NRG2: variants seen among roughly 807,000 people sequenced by gnomAD.
NRG2 encodes the protein pro-neuregulin-2, membrane-bound isoform.
NRG2 carries 27 observed loss-of-function variants against 73.9 expected under a neutral mutation model. The observed-to-expected ratio is 0.37, with a 90% CI of 0.27 to 0.50. The LOEUF is 0.50. Ranked by LOEUF, NRG2 falls within the 20% of genes least tolerant of loss-of-function variation. The pLI is 0.96. For synonymous variants in NRG2, 532 were observed against 541.0 expected (o/e 0.98, Z 0.23); for missense variants, 1,126 against 1,210.1 (o/e 0.93, Z 1.03).
rs1580819769 is a variant in NRG2 at position 139,959,526 on chromosome 5, G to A, written c.701-72015C>T. ...TGAGTAGCTGGGATTAAAGGCATGC[G>A]CCACCACGCCCAGCTAATTTTGTAT... is the stretch of plus-strand genomic sequence containing the variant. On this transcript the variant is annotated intron_variant, in intron 1 of 9. Coordinates refer to ENST00000361474, the MANE Select transcript of NRG2 (RefSeq NM_004883.3). Among the ~76,000 whole-genome samples the A allele has an allele frequency of 2.6e-5, 4 of 152,328 alleles. No homozygotes were observed. The South Asian group carries it at 6.2e-4, about 24-fold the overall frequency.
At position 139,902,583 on chromosome 5, in the gene NRG2, T is replaced by C. The variant is rs184416936; in HGVS notation, c.701-15072A>G. Among the ~76,000 whole-genome samples, 469 of 152,262 alleles carry C rather than the reference T, an allele frequency of 3.1e-3. 4 individuals carry two copies. Among genetic ancestry groups the C allele is most frequent in the Non-Finnish European group, 5.6e-3 (382 of 68,018 alleles). On this transcript the variant is annotated intron_variant, in intron 1 of 9. Transcript: ENST00000361474. The stretch of plus-strand genomic sequence containing the variant: ...TCCATGTGCATTTCCCTGGCACTAG[T>C]GATTCCCACCAGCTGAAGCCCACCG...
intron 3 of NRG2, among the ~76,000 whole-genome samples, chr5:139,877,951 G>A (rs1561648192): frequency 6.6e-6 from 1 of 152,242 alleles, no homozygotes; most frequent in African/African-American, 2.4e-5. Flanking sequence ...TGGGATTCCA[G>A]ATATGCCCTC....
rs1029152808 is a variant in NRG2 at position 139,880,390 on chromosome 5, G to T, written c.991+466C>A. ...GAGGAGTTTGCCCTCCCTGAACAGA[G>T]GCTGCCACCAGGGGCCCCAGGCATC... On this transcript the variant is annotated intron_variant, in intron 3 of 9. Transcript: ENST00000361474. 5.3e-5 allele frequency among the ~76,000 whole-genome samples: 8 copies of T among 152,100 alleles called. No individual in the cohort carries two copies. The South Asian group carries it at 6.2e-4, about 12-fold the overall frequency.
At chr5:139,908,005 C>T (rs951487193) in intron 1 of NRG2, among the ~76,000 whole-genome samples, 1 of 152,250 alleles carries the variant, frequency 6.6e-6, no homozygotes, top group African/African-American at 2.4e-5. Flanking sequence ...GGGAGGTCAA[C>T]TCTTATTCCC....
intron 1 of NRG2, among the ~76,000 whole-genome samples, chr5:139,963,541 A>G (rs1386719072): frequency 6.6e-6 from 1 of 152,214 alleles, no homozygotes; most frequent in Non-Finnish European, 1.5e-5. Flanking sequence ...GAAAGAACTG[A>G]GCCCTATACA....
intron 1 of NRG2, among the ~76,000 whole-genome samples, chr5:139,981,473 C>T (rs1756796873): frequency 6.6e-6 from 1 of 152,236 alleles, no homozygotes; most frequent in African/African-American, 2.4e-5. Flanking sequence ...TCAAGTCCTG[C>T]CTCTGGAAGG....
chr5:139,852,812 C>T lies in NRG2; in HGVS notation c.1416+92G>A. On this transcript the variant is annotated intron_variant, in intron 7 of 9. Transcript: ENST00000361474. This position sits in a 1 kb window ranked among gnomAD's most constrained non-coding sequence, Gnocchi z 4.4. ...CAGGCAAGGCTGGCCATGGGATAGG[C>T]TGGCTGCTGCCCTGGCCCATCCTTG... 1 of 1,576,732 alleles carries T rather than the reference C, an allele frequency of 6.3e-7. No homozygotes were observed. Among genetic ancestry groups the T allele is most frequent in the Non-Finnish European group, 8.6e-7 (1 of 1,165,834 alleles).
Position 139,848,270 on chromosome 5 carries a change from G to A in NRG2, c.2200C>T (p.Arg734Cys), listed in dbSNP as rs1320218265. The A allele has an allele frequency of 2.7e-6, 3 of 1,114,354 alleles. No individual in the cohort carries two copies. The highest frequency in any genetic ancestry group is 3.3e-6 in the Non-Finnish European group (3 of 914,566). The allele number at this position is 1,114,354 out of a possible 1,614,324, so 69.0% of individuals were successfully genotyped here. ...PPRPRARGASRRTSAGPRRWR... is the reference protein window; with the variant it reads ...PPRPRARGASCRTSAGPRRWR... ...CGCCGGGGCCCCGCCGACGTCCTGC[G>A]GGACGCACCGCGCGCGCGCGGCCGC... Residue 734 changes from arginine to cysteine, a missense_variant, in exon 10 of 10, where the codon CGC (arginine) becomes TGC (cysteine). Coordinates refer to ENST00000361474, the MANE Select transcript of NRG2 (RefSeq NM_004883.3).
At position 140,037,728 on chromosome 5, in the gene NRG2, T is replaced by A. The variant is rs180680405; in HGVS notation, c.700+4642A>T. Among the ~76,000 whole-genome samples, 326 of 151,572 alleles carry A rather than the reference T, an allele frequency of 2.2e-3. 1 individual carries two copies. The highest frequency in any genetic ancestry group is 6.8e-3 in the Middle Eastern group (2 of 294). The stretch of plus-strand genomic sequence containing the variant: ...TTCGAGGCCAGCCAGGCCAAGATGG[T>A]GAAAACCCGTCTCTACTAAAAATAC... On this transcript the variant is annotated intron_variant, in intron 1 of 9. Transcript: ENST00000361474.
At chr5:139,905,820 G>A (rs1765189308) in intron 1 of NRG2, among the ~76,000 whole-genome samples, 1 of 152,124 alleles carries the variant, frequency 6.6e-6, no homozygotes, top group African/African-American at 2.4e-5. Flanking sequence ...AGAGCCAGGG[G>A]CCAGGTCTCA....
chr5:139,960,878 G>A (rs1442989441), intron 1 of NRG2, among the ~76,000 whole-genome samples: 1 of 152,176 alleles, frequency 6.6e-6, no homozygotes, highest in Admixed American at 6.5e-5. Context: ...ACGGATGCAG[G>A]AGGAGAGGCC....
intron 1 of NRG2, among the ~76,000 whole-genome samples, chr5:139,944,708 T>G (rs1056380873): frequency 6.6e-6 from 1 of 152,220 alleles, no homozygotes; most frequent in African/African-American, 2.4e-5. Flanking sequence ...TGAACAGTGC[T>G]GTAATCAGCA....
intron 1 of NRG2, among the ~76,000 whole-genome samples, chr5:140,015,107 C>G (rs1024156063): frequency 3.3e-5 from 5 of 152,206 alleles, no homozygotes; most frequent in African/African-American, 1.2e-4. Context: ...CATAACCACT[C>G]TATTTAAAAT....
At chr5:140,030,649 C>G (rs915480408) in intron 1 of NRG2, among the ~76,000 whole-genome samples, 15 of 152,238 alleles carry the variant, frequency 9.9e-5, no homozygotes, top group African/African-American at 3.6e-4. Context: ...ACGGAAAGCT[C>G]ACTTCCAATC....
At chr5:140,036,011 C>T (rs964862481) in intron 1 of NRG2, among the ~76,000 whole-genome samples, 4 of 152,276 alleles carry the variant, frequency 2.6e-5, no homozygotes, top group African/African-American at 9.6e-5. Flanking sequence ...AAATGTTAAC[C>T]ACCAGTCCTG....
chr5:139,857,960 T>C (rs1203810722), intron 5 of NRG2, among the ~76,000 whole-genome samples: 4 of 152,150 alleles, frequency 2.6e-5, no homozygotes, highest in Non-Finnish European at 4.4e-5. Context: ...CATCTGGAGA[T>C]GGTCACCTTC....
intron 1 of NRG2, among the ~76,000 whole-genome samples, chr5:140,022,604 T>A (rs1760330368): frequency 6.6e-6 from 1 of 152,212 alleles, no homozygotes; most frequent in Non-Finnish European, 1.5e-5. Context: ...GGGTTCAGAA[T>A]CCTGGCTCTC....
chr5:140,030,970 GAAGA>G (rs1761095912), intron 1 of NRG2, among the ~76,000 whole-genome samples: 1 of 152,062 alleles, frequency 6.6e-6, no homozygotes, highest in Non-Finnish European at 1.5e-5. Context: ...TAGAATTATG[GAAGA>G]TGACTTCTGG....
At chr5:140,029,244 T>C (rs1338768553) in intron 1 of NRG2, among the ~76,000 whole-genome samples, 2 of 152,108 alleles carry the variant, frequency 1.3e-5, no homozygotes, top group Non-Finnish European at 2.9e-5. Flanking sequence ...TCAAAAAAAT[T>C]AAGGGACTTT....
Sources: gnomAD v4.1 joint callset for allele counts (sites outside exome capture counted in the v4.1 genomes callset) on GRCh38, gnomAD v4.1.1 for gene constraint, Gnocchi (gnomAD v3.1) non-coding constraint, MANE v1.5 for transcripts, NCBI Gene and HGNC (gene_info 2026-07-23, HGNC 2026-07-21) for gene names.